The following BRCA2 variants were observed in gnomAD, a reference collection of about 807,000 sequenced individuals.
The protein encoded by BRCA2 is BRCA2 DNA repair associated, also known as breast cancer type 2 susceptibility protein.
A neutral mutation model predicts 276.7 loss-of-function variants in BRCA2; 203 were observed. The ratio of observed to expected loss-of-function variants is 0.73; its 90% CI spans 0.65 to 0.82. The LOEUF is 0.82. Among genes scored for constraint, BRCA2 ranks in the 40% least tolerant of loss-of-function variants. The probability of loss-of-function intolerance (pLI) is 0.00; values close to 1 mark genes in which losing one functional copy is unlikely to be tolerated. For synonymous variants in BRCA2, 1,289 were observed against 1,338.4 expected (o/e 0.96, Z 0.81); for missense variants, 3,920 against 3,915.0 (o/e 1.00, Z -0.03).
chr13:32,364,535 A>G (rs1358751373), intron 18 of BRCA2, among the ~76,000 whole-genome samples: 1 of 152,198 alleles, frequency 6.6e-6, no homozygotes, highest in Non-Finnish European at 1.5e-5. Flanking sequence ...CTACTAATAC[A>G]GCATGATTTT....
chr13:32,331,411 T>C (rs1030451312), intron 9 of BRCA2, among the ~76,000 whole-genome samples: 9 of 152,126 alleles, frequency 5.9e-5, no homozygotes, highest in Non-Finnish European at 1.5e-5. Context: ...TCTCAAAGTA[T>C]TGAGAGTAGA....
intron 25 of BRCA2, 83 bp from the exon 26 acceptor site, chr13:32,396,815 T>C: frequency 6.4e-7 from 1 of 1,562,122 alleles, no homozygotes; most frequent in South Asian, 1.1e-5. Flanking sequence ...ACTTTTCATT[T>C]CTGCTTTTAA....
Position 32,356,582 on chromosome 13 carries a change from A to G in BRCA2, c.7590A>G (p.Gln2530=), listed in dbSNP as rs786202429. 2 of 1,614,230 alleles carry G rather than the reference A, an allele frequency of 1.2e-6. No individual in the cohort carries two copies. The highest frequency in any genetic ancestry group is 1.1e-5 in the South Asian group (1 of 91,092). ...CTCTGAAAGCAGCAGTAGGAGGCCA[A>G]GTTCCCTCTGCGTGTTCTCATAAAC... is the stretch of plus-strand genomic sequence containing the variant. The part of the protein sequence containing the change: ...RISLKAAVGG[Q]VPSACSHKQL... The change falls in exon 15 of 27, where the codon CAA becomes CAG. Residue 2530 remains glutamine, a synonymous_variant. Transcript: ENST00000380152.
intron 1 of BRCA2, among the ~76,000 whole-genome samples, 153 bp downstream of exon 1, chr13:32,315,820 G>T (rs1484224635): frequency 6.6e-6 from 1 of 152,184 alleles, no homozygotes. Context: ...AAAGGTCCTT[G>T]CCCGAAGGCA....
Position 32,396,987 on chromosome 13 carries a change from CTG to C in BRCA2, c.9593_9594del (p.Cys3198TyrfsTer23), listed in dbSNP as rs1566260198. 1 of 1,613,936 alleles carries C rather than the reference CTG, an allele frequency of 6.2e-7. No individual in the cohort carries two copies. Among genetic ancestry groups the C allele is most frequent in the African/African-American group, 1.3e-5 (1 of 74,910 alleles). On this transcript the variant is annotated frameshift_variant, in exon 26 of 27. Transcript: ENST00000380152. LOFTEE classifies it high-confidence loss of function. ...DPKWSTPTKD[C>X]TSGPYTAQII... Reference sequence around the variant, plus strand: ...CCAAGTGGTCCACCCCAACTAAAGACTGTACTTCAGGGCCGTACACTGCTCAA... The same window carrying C: ...CCAAGTGGTCCACCCCAACTAAAGACTACTTCAGGGCCGTACACTGCTCAA...
rs886040345 is a variant in BRCA2, at chr13:32,332,575, T to C, written c.1097T>C (p.Leu366Ser). The change falls in exon 10 of 27, where the codon TTA becomes TCA. Residue 366 changes from leucine to serine, a missense_variant. This residue lies in a region of BRCA2 where 3,263 missense variants were observed against 3,156.9 expected (regional missense o/e 1.03). Transcript: ENST00000380152. Reference sequence around the variant, plus strand: ...GTGGAACCAAATGATACTGATCCATTAGATTCAAATGTAGCAAATCAGAAG... The same window carrying C: ...GTGGAACCAAATGATACTGATCCATCAGATTCAAATGTAGCAAATCAGAAG... ...SEVEPNDTDP[L>S]DSNVANQKPF... The C allele has an allele frequency of 1.2e-6, 2 of 1,612,782 alleles. No individual in the cohort carries two copies. The highest frequency in any genetic ancestry group is 1.7e-5 in the Admixed American group (1 of 59,734).
Position 32,328,594 on chromosome 13 carries a change from G to T in BRCA2, c.632-849G>T, listed in dbSNP as rs181984830. 2.6e-5 allele frequency among the ~76,000 whole-genome samples: 4 copies of T among 152,134 alleles called. No homozygotes were observed. In the East Asian group the frequency reaches 7.7e-4, roughly 29 times the overall value. ...AGTTGTGAAACTTATTTTGTGAGTC[G>T]TATATGCTCTTTTTAAATGAAATGA... On this transcript the variant is annotated intron_variant, in intron 7 of 26. Transcript: ENST00000380152.
At position 32,332,593 on chromosome 13, in the gene BRCA2, A is replaced by G. The variant is rs876658943; in HGVS notation, c.1115A>G (p.Asn372Ser). The G allele has an allele frequency of 6.2e-7, 1 of 1,613,880 alleles. No homozygotes were observed. Among genetic ancestry groups the G allele is most frequent in the Non-Finnish European group, 8.5e-7 (1 of 1,179,892 alleles). The change falls in exon 10 of 27, where the codon AAT becomes AGT. Residue 372 changes from asparagine to serine, a missense_variant. By Grantham distance (46) the Asn-to-Ser change is conservative. Coordinates refer to ENST00000380152, the MANE Select transcript of BRCA2 (RefSeq NM_000059.4). ...DTDPLDSNVA[N>S]QKPFESGSDK... ...GATCCATTAGATTCAAATGTAGCAA[A>G]TCAGAAGCCCTTTGAGAGTGGAAGT...
rs1381955533 is a variant in BRCA2 at position 32,315,538 on chromosome 13, C to T, written c.-169C>T. The T allele has an allele frequency of 6.6e-6, 1 of 152,332 alleles. No individual in the cohort carries two copies. Among genetic ancestry groups the T allele is most frequent in the Non-Finnish European group, 1.5e-5 (1 of 68,094 alleles). The allele number at this position is 152,332 out of a possible 1,614,324, so 9.4% of individuals were successfully genotyped here. ...CGGAGCCGCTGTGGCACTGCTGCGC[C>T]TCTGCTGCGCCTCGGGTGTCTTTTG... On this transcript the variant is annotated 5_prime_UTR_variant, in exon 1 of 27. Coordinates refer to ENST00000380152, the MANE Select transcript of BRCA2 (RefSeq NM_000059.4).
chr13:32,341,610 T>C (rs1174748493), intron 11 of BRCA2, among the ~76,000 whole-genome samples: 1 of 152,208 alleles, frequency 6.6e-6, no homozygotes, highest in Non-Finnish European at 1.5e-5. Flanking sequence ...ATATGAACTT[T>C]AAAAGTTGGT....
chr13:32,398,875 A>C lies in BRCA2; in HGVS notation c.*105A>C, dbSNP rs15869. On this transcript the variant is annotated 3_prime_UTR_variant, in exon 27 of 27. Coordinates refer to ENST00000380152, the MANE Select transcript of BRCA2 (RefSeq NM_000059.4). ...ATTAGTACTTATGTTGCACAATGAGAAAAGAAATTAGTTTCAAATTTACCT... is the reference window on the plus strand; with the variant it reads ...ATTAGTACTTATGTTGCACAATGAGCAAAGAAATTAGTTTCAAATTTACCT... 0.2 allele frequency: 279,112 copies of C among 1,401,318 alleles called. 29,312 individuals carry two copies. The highest frequency in any genetic ancestry group is 0.23 in the Middle Eastern group (945 of 4,068). 86.8% of individuals were successfully genotyped at this position (1,401,318 alleles called of 1,614,324 possible).
intron 4 of BRCA2, among the ~76,000 whole-genome samples, chr13:32,325,702 G>T (rs1054776555): frequency 6.6e-6 from 1 of 151,810 alleles, no homozygotes; most frequent in Non-Finnish European, 1.5e-5. Flanking sequence ...CACCATGCCC[G>T]GCTAATTTTT....
At chr13:32,394,658 A>G (rs2137651538) in intron 24 of BRCA2, 31 bp from the exon 25 acceptor site, 5 of 1,603,534 alleles carry the variant, frequency 3.1e-6, no homozygotes, top group Non-Finnish European at 4.3e-6. Context: ...CACATCTATA[A>G]TAACATTCTT....
chr13:32,320,391 T>A (rs2072298684), intron 3 of BRCA2, among the ~76,000 whole-genome samples: 1 of 152,234 alleles, frequency 6.6e-6, no homozygotes, highest in Admixed American at 6.5e-5. Context: ...CTTGCCATAT[T>A]CATCCTCTCA....
Position 32,339,213 on chromosome 13 carries a change from T to C in BRCA2, c.4858T>C (p.Leu1620=), listed in dbSNP as rs528771743. Reference sequence around the variant, plus strand: ...GCCACCTAAGCTCTTAAGTGATAATTTATGTAGACAAACTGAAAATCTCAA... The same window carrying C: ...GCCACCTAAGCTCTTAAGTGATAATCTATGTAGACAAACTGAAAATCTCAA... ...VVPPKLLSDN[L]CRQTENLKTS... Residue 1620 remains leucine (L), a synonymous_variant, in exon 11 of 27, where the codon TTA becomes CTA. Transcript: ENST00000380152. 4.3e-6 allele frequency: 7 copies of C among 1,613,310 alleles called. No homozygotes were observed. The Admixed American group carries it at 1.2e-4, about 27-fold the overall frequency.
chr13:32,378,049 T>C (rs1426825764), intron 21 of BRCA2, among the ~76,000 whole-genome samples: 2 of 152,224 alleles, frequency 1.3e-5, no homozygotes, highest in African/African-American at 2.4e-5. Flanking sequence ...GGTCTGAAAA[T>C]GAAGGCTTTA....
Position 32,362,990 on chromosome 13 carries a change from T to C in BRCA2, c.7977-189T>C, listed in dbSNP as rs770062599. Among the ~76,000 whole-genome samples the C allele has an allele frequency of 2.1e-4, 32 of 152,214 alleles. No individual in the cohort carries two copies. The highest frequency in any genetic ancestry group is 3.9e-4 in the Admixed American group (6 of 15,288). Reference sequence around the variant, plus strand: ...GCTAATAAAGCATTTTTGCATTTTATTTTTTGCTTTTTAAAAATAATTGAT... The same window carrying C: ...GCTAATAAAGCATTTTTGCATTTTACTTTTTGCTTTTTAAAAATAATTGAT... On this transcript the variant is annotated intron_variant, in intron 17 of 26. Coordinates refer to ENST00000380152, the MANE Select transcript of BRCA2 (RefSeq NM_000059.4).
chr13:32,379,259 A>G, intron 21 of BRCA2, 58 bp from the exon 22 acceptor site: 1 of 1,550,326 alleles, frequency 6.5e-7, no homozygotes, highest in Admixed American at 1.7e-5. Flanking sequence ...TCTAGTTACA[A>G]TAGATGGAAC....
Position 32,339,995 on chromosome 13 carries a change from T to G in BRCA2, c.5640T>G (p.Asn1880Lys), listed in dbSNP as rs11571657. Residue 1880 changes from asparagine (N) to lysine (K), a missense_variant, in exon 11 of 27, where the codon AAT becomes AAG. Around this residue, in one of 2 missense-constraint regions of BRCA2, gnomAD observed 3,263 missense variants for 3,156.9 expected, o/e 1.03. Transcript: ENST00000380152. ...AAGTAATTAAGGAAAACAACGAGAA[T>G]AAATCAAAAATTTGCCAAACGAAAA... ...FSKVIKENNE[N>K]KSKICQTKIM... The G allele has an allele frequency of 5.2e-4, 833 of 1,612,424 alleles. 5 individuals carry two copies. In the African/African-American group the frequency reaches 9.4e-3, roughly 18 times the overall value.
Sources: allele counts gnomAD v4.1 joint callset (sites outside exome capture counted in the v4.1 genomes callset), GRCh38; gene constraint gnomAD v4.1.1; regional missense constraint gnomAD v4.1.1; transcripts MANE v1.5; gene names NCBI Gene and HGNC (gene_info 2026-07-23, HGNC 2026-07-21).